The following GRIA1 variants were observed in gnomAD, a reference collection of about 807,000 sequenced individuals.
GRIA1 encodes the protein glutamate ionotropic receptor AMPA type subunit 1, also known as glutamate receptor 1.
In GRIA1, 31 loss-of-function variants were observed where a neutral mutation model predicts 99.2. The ratio of observed to expected loss-of-function variants is 0.31; its 90% CI spans 0.23 to 0.42. The LOEUF (loss-of-function observed/expected upper bound fraction) is 0.42, where lower values mean the gene tolerates loss of function less well. Ranked by LOEUF, GRIA1 falls within the 10% of genes least tolerant of loss-of-function variation. GRIA1 has a pLI of 1.00. For missense variants in GRIA1, 782 were observed against 1,157.5 expected, an observed-to-expected ratio of 0.68 and a Z score of 4.71; for synonymous variants, 438 against 432.4, an observed-to-expected ratio of 1.01 and a Z score of -0.16.
chr5:153,773,725 A>C (rs1338318326), intron 13 of GRIA1, among the ~76,000 whole-genome samples: 1 of 152,216 alleles, frequency 6.6e-6, no homozygotes, highest in Non-Finnish European at 1.5e-5. Context: ...AACATGTTTC[A>C]AATACAGATC....
At chr5:153,676,013 C>T (rs1167875505) in intron 6 of GRIA1, among the ~76,000 whole-genome samples, 4 of 152,046 alleles carry the variant, frequency 2.6e-5, no homozygotes, top group East Asian at 3.9e-4. Flanking sequence ...CCCGCCACCA[C>T]GCCTGGCTAA....
At position 153,577,335 on chromosome 5, in the gene GRIA1, A is replaced by T. The variant is rs114763341; in HGVS notation, c.221-69593A>T. Among the ~76,000 whole-genome samples the T allele has an allele frequency of 5.9e-3, 895 of 152,320 alleles. 9 individuals are homozygous for T. Among genetic ancestry groups the T allele is most frequent in the African/African-American group, 0.02 (844 of 41,566 alleles). On this transcript the variant is annotated intron_variant, in intron 2 of 15. Transcript: ENST00000285900. ...CAGAAAGCAGGCATGCCCTGCAATC[A>T]TTTATCTCTGGGATGCCCTGGAGCC...
chr5:153,587,713 C>G (rs1451264183), intron 2 of GRIA1, among the ~76,000 whole-genome samples: 4 of 152,204 alleles, frequency 2.6e-5, no homozygotes, highest in Non-Finnish European at 5.9e-5. Flanking sequence ...TCAACATACG[C>G]TGAGTTGTTG....
chr5:153,535,682 T>C (rs1758502841), intron 2 of GRIA1, among the ~76,000 whole-genome samples: 1 of 152,250 alleles, frequency 6.6e-6, no homozygotes, highest in Non-Finnish European at 1.5e-5. Context: ...GAATGGCAGC[T>C]GGTCATTAGA....
At chr5:153,720,344 T>A (rs1305701730) in intron 11 of GRIA1, among the ~76,000 whole-genome samples, 2 of 152,188 alleles carry the variant, frequency 1.3e-5, no homozygotes, top group African/African-American at 4.8e-5. Flanking sequence ...ATCATAAGCC[T>A]TGGAGGCAAA....
At position 153,659,243 on chromosome 5, in the gene GRIA1, C is replaced by T. The variant is rs553398805; in HGVS notation, c.699+3371C>T. 5.9e-5 allele frequency among the ~76,000 whole-genome samples: 9 copies of T among 152,280 alleles called. No homozygotes were observed. In the South Asian group the frequency reaches 1.7e-3, roughly 28 times the overall value. On this transcript the variant is annotated intron_variant, in intron 5 of 15. Coordinates refer to ENST00000285900, the MANE Select transcript of GRIA1 (RefSeq NM_000827.4). ...TTAAATCCGCCCATCTGTACATATT[C>T]ACATATGGTGTGTATGTACATATGC...
intron 4 of GRIA1, among the ~76,000 whole-genome samples, chr5:153,655,518 C>G (rs1754876149): frequency 6.6e-6 from 1 of 152,154 alleles, no homozygotes; most frequent in East Asian, 1.9e-4. Flanking sequence ...CTTGGGGTTA[C>G]AGTAACACCA....
At chr5:153,795,997 CT>C (rs1351537255) in intron 14 of GRIA1, among the ~76,000 whole-genome samples, 2 of 142,620 alleles carry the variant, frequency 1.4e-5, no homozygotes, top group African/African-American at 2.6e-5. Context: ...GGATACTGAA[CT>C]CTTTTTTTTT....
intron 4 of GRIA1, among the ~76,000 whole-genome samples, chr5:153,652,957 A>T (rs1163358036): frequency 6.6e-6 from 1 of 152,206 alleles, no homozygotes; most frequent in Non-Finnish European, 1.5e-5. Context: ...AACTGCATAC[A>T]GTCTAACACA....
intron 2 of GRIA1, among the ~76,000 whole-genome samples, chr5:153,634,827 C>G (rs1176785123): frequency 6.6e-6 from 1 of 152,044 alleles, no homozygotes. Flanking sequence ...GCTCACAGCT[C>G]CAGAAATCAG....
At position 153,695,805 on chromosome 5, in the gene GRIA1, C is replaced by T. The variant is rs138726612; in HGVS notation, c.1135-2239C>T. Among the ~76,000 whole-genome samples, 373 of 152,296 alleles carry T rather than the reference C, an allele frequency of 2.4e-3. 2 individuals carry two copies. The highest frequency in any genetic ancestry group is 0.021 in the East Asian group (108 of 5,174). On this transcript the variant is annotated intron_variant, in intron 8 of 15. Coordinates refer to ENST00000285900, the MANE Select transcript of GRIA1 (RefSeq NM_000827.4). ...TCCATGCAGTATCCTGAGAGACATG[C>T]TCCCCGTCAGACCTCCGAGCTGTCT...
chr5:153,711,383 G>C (rs868678762), intron 11 of GRIA1, among the ~76,000 whole-genome samples: 1 of 152,162 alleles, frequency 6.6e-6, no homozygotes, highest in Non-Finnish European at 1.5e-5. Context: ...TGGATTTATG[G>C]TTCACTCTGA....
At chr5:153,659,097 A>G (rs904507024) in intron 5 of GRIA1, among the ~76,000 whole-genome samples, 1 of 152,194 alleles carries the variant, frequency 6.6e-6, no homozygotes, top group Admixed American at 6.5e-5. Flanking sequence ...TCAATTGAGA[A>G]CAATAATTCC....
chr5:153,629,419 G>A (rs1447533104), intron 2 of GRIA1, among the ~76,000 whole-genome samples: 1 of 152,226 alleles, frequency 6.6e-6, no homozygotes, highest in Non-Finnish European at 1.5e-5. Flanking sequence ...AAGAAGGCAG[G>A]TGGGAAACGT....
chr5:153,640,470 T>C (rs2910260), intron 2 of GRIA1, among the ~76,000 whole-genome samples: 45,745 of 152,152 alleles, frequency 0.3, 7,816 homozygotes, highest in Non-Finnish European at 0.39. Flanking sequence ...TGCCATACCC[T>C]GACCCCAGTC....
chr5:153,632,813 A>G (rs1213898797), intron 2 of GRIA1, among the ~76,000 whole-genome samples: 1 of 152,232 alleles, frequency 6.6e-6, no homozygotes, highest in African/African-American at 2.4e-5. Context: ...AAGAAGACAG[A>G]TATGAAAATG....
intron 12 of GRIA1, among the ~76,000 whole-genome samples, chr5:153,766,367 A>G (rs944696576): frequency 6.6e-6 from 1 of 152,184 alleles, no homozygotes; most frequent in African/African-American, 2.4e-5. Context: ...AGCCTGTCCT[A>G]TGCCCCAACC....
Position 153,806,486 on chromosome 5 carries a change from C to T in GRIA1, c.2520+3996C>T, listed in dbSNP as rs149937110. On this transcript the variant is annotated intron_variant, in intron 15 of 15. Transcript: ENST00000285900. ...TTCACCATGTTAGCCAGGATGGTCT[C>T]GATCTCCTGACTTCGTGATCCACTG... 3.8e-3 allele frequency among the ~76,000 whole-genome samples: 583 copies of T among 152,206 alleles called. 7 individuals are homozygous for T. The highest frequency in any genetic ancestry group is 0.013 in the African/African-American group (547 of 41,524).
intron 2 of GRIA1, among the ~76,000 whole-genome samples, chr5:153,561,571 A>C (rs1160975094): frequency 1.3e-5 from 2 of 152,170 alleles, no homozygotes; most frequent in African/African-American, 4.8e-5. Flanking sequence ...ACTCAAGTTT[A>C]TTACTTAACT....
Sources: allele counts gnomAD v4.1 joint callset (sites outside exome capture counted in the v4.1 genomes callset), GRCh38; gene constraint gnomAD v4.1.1; transcripts MANE v1.5; gene names NCBI Gene and HGNC (gene_info 2026-07-23, HGNC 2026-07-21).